Variants in AGL observed in about 807,000 individuals in gnomAD.
AGL encodes the protein amylo-alpha-1,6-glucosidase and 4-alpha-glucanotransferase, also known as glycogen debranching enzyme.
Under a neutral mutation model 199.3 loss-of-function variants are expected in AGL, and 128 were observed. The observed-to-expected ratio is 0.64, with a 90% CI of 0.56 to 0.74. The LOEUF is 0.74. Ranked by LOEUF, AGL falls within the 30% of genes least tolerant of loss-of-function variation. The probability of loss-of-function intolerance (pLI) is 0.00; values close to 1 mark genes in which losing one functional copy is unlikely to be tolerated. For missense variants in AGL, 1,809 were observed against 1,820.8 expected (o/e 0.99, Z 0.12); for synonymous variants, 584 against 594.7 (o/e 0.98, Z 0.26).
rs997080952 is a variant in AGL at position 99,906,107 on chromosome 1, A to G, written c.3700+3313A>G. ...CACTGTCCATCTCCAGAACTTTGTC[A>G]TCATTCCTAATTGAAGCAGGAACTC... On this transcript the variant is annotated intron_variant, in intron 27 of 33. Transcript: ENST00000361915. Among the ~76,000 whole-genome samples, 5 of 152,290 alleles carry G rather than the reference A, an allele frequency of 3.3e-5. No homozygotes were observed. The South Asian group carries it at 8.3e-4, about 25-fold the overall frequency.
In AGL at chr1:99,916,734, A is replaced by T. The variant is rs953882029; in HGVS notation, c.4481+3A>T. The T allele has an allele frequency of 1.2e-6, 2 of 1,612,922 alleles. No homozygotes were observed. The highest frequency in any genetic ancestry group is 1.7e-5 in the Admixed American group (1 of 59,926). ...CGACATTATGTTCATCTTGAGAGGT[A>T]AGTCATCAGGAGCATGTAATTTCCA... is the stretch of plus-strand genomic sequence containing the variant. On this transcript the variant is annotated splice_donor_region_variant and intron_variant, in intron 33 of 33. Transcript: ENST00000361915.
At chr1:99,876,163 C>T (rs1357547108) in intron 10 of AGL, among the ~76,000 whole-genome samples, 3 of 152,232 alleles carry the variant, frequency 2.0e-5, no homozygotes, top group Non-Finnish European at 4.4e-5. Flanking sequence ...GCATGAGCCA[C>T]CATGCCCAGC....
rs766823580 is a variant in AGL at position 99,862,239 on chromosome 1, T to C, written c.294-18T>C. The C allele has an allele frequency of 8.7e-6, 14 of 1,613,890 alleles. No homozygotes were observed. The highest frequency in any genetic ancestry group is 1.0e-5 in the Non-Finnish European group (12 of 1,179,878). ...TCTATCACTGACTGAAAAGTTTTTGTTTTGTTTTTTCCCTTAGAAATGAGA... is the reference window on the plus strand; with the variant it reads ...TCTATCACTGACTGAAAAGTTTTTGCTTTGTTTTTTCCCTTAGAAATGAGA... On this transcript the variant is annotated intron_variant, in intron 3 of 33. Coordinates refer to ENST00000361915, the MANE Select transcript of AGL (RefSeq NM_000642.3).
At chr1:99,877,409 T>C (rs1400276942) in intron 11 of AGL, among the ~76,000 whole-genome samples, 3 of 152,152 alleles carry the variant, frequency 2.0e-5, no homozygotes, top group African/African-American at 7.2e-5. Context: ...TTTTTGAAAT[T>C]GAGGACAAAT....
rs1445395776 is a variant in AGL at position 99,862,314 on chromosome 1, T to G, written c.351T>G (p.Ala117=). 2 of 1,614,034 alleles carry G rather than the reference T, an allele frequency of 1.2e-6. No homozygotes were observed. Residue 117 remains alanine (A), a synonymous_variant, in exon 4 of 34, where the codon GCT becomes GCG. Coordinates refer to ENST00000361915, the MANE Select transcript of AGL (RefSeq NM_000642.3). ...TGGACCCCATTTTACGTGTTGGTGC[T>G]GATAATCATGTGCTACCCTTGGACT... The part of the protein sequence containing the change: ...IVVDPILRVG[A]DNHVLPLDCV...
intron 33 of AGL, among the ~76,000 whole-genome samples, chr1:99,919,496 T>C (rs1655368015): frequency 6.6e-6 from 1 of 152,174 alleles, no homozygotes; most frequent in African/African-American, 2.4e-5. Flanking sequence ...AAAAATGTTA[T>C]TTAGAAGCCA....
At chr1:99,918,524 A>G (rs1557795975) in intron 33 of AGL, among the ~76,000 whole-genome samples, 2 of 151,990 alleles carry the variant, frequency 1.3e-5, no homozygotes, top group Admixed American at 6.6e-5. Flanking sequence ...GGGTCTTGCT[A>G]TCTTGCCCAG....
At chr1:99,869,185 T>C (rs1278558338) in intron 5 of AGL, among the ~76,000 whole-genome samples, 3 of 152,194 alleles carry the variant, frequency 2.0e-5, no homozygotes, top group Admixed American at 2.0e-4. Flanking sequence ...CTACATTTTG[T>C]CATTTTGAAA....
intron 12 of AGL, among the ~76,000 whole-genome samples, chr1:99,878,756 T>G (rs3753490): frequency 0.14 from 20,655 of 152,126 alleles, 1,496 homozygotes; most frequent in Middle Eastern, 0.18. Flanking sequence ...TCAAGTCCTA[T>G]GATGAAAAAT....
intron 25 of AGL, among the ~76,000 whole-genome samples, chr1:99,897,095 G>A (rs138696042): frequency 0.028 from 4,251 of 152,248 alleles, 64 homozygotes; most frequent in South Asian, 0.067. Context: ...GATTACAGGC[G>A]TGAGCCACCG....
chr1:99,876,321 A>T (rs992296163), intron 10 of AGL, 137 bp from the exon 11 acceptor site: 6 of 676,252 alleles, frequency 8.9e-6, no homozygotes, highest in Non-Finnish European at 1.2e-5. Context: ...CCTATATTGA[A>T]GTTTTTTTCC....
chr1:99,862,214 T>C (rs774441067), intron 3 of AGL, 43 bp from the exon 4 acceptor site: 1 of 1,593,394 alleles, frequency 6.3e-7, no homozygotes, highest in Non-Finnish European at 8.6e-7. Context: ...GGATTTTTTT[T>C]CTATCACTGA....
chr1:99,868,697 A>G (rs929733964), intron 5 of AGL, among the ~76,000 whole-genome samples: 13 of 152,148 alleles, frequency 8.5e-5, no homozygotes, highest in African/African-American at 3.1e-4. Context: ...CAGGAGGATC[A>G]CTTCAGCTCT....
intron 33 of AGL, among the ~76,000 whole-genome samples, chr1:99,920,042 A>G (rs1655408537): frequency 6.6e-6 from 1 of 152,166 alleles, no homozygotes; most frequent in South Asian, 2.1e-4. Flanking sequence ...GGACTTCCTT[A>G]TATTTGTATG....
Position 99,884,369 on chromosome 1 carries a change from G to A in AGL, c.2464G>A (p.Gly822Arg). The A allele has an allele frequency of 6.2e-7, 1 of 1,612,702 alleles. No individual in the cohort carries two copies. The highest frequency in any genetic ancestry group is 8.5e-7 in the Non-Finnish European group (1 of 1,179,304). The stretch of plus-strand genomic sequence containing the variant: ...TGAAAGTAAAATTGTTAAACAAGCT[G>A]GAGTTGCCACAAAAGGGCCCAATGA... ...LNESKIVKQAGVATKGPNEYI... is the reference protein window; with the variant it reads ...LNESKIVKQARVATKGPNEYI... The change falls in exon 19 of 34, where the codon GGA (glycine) becomes AGA (arginine). Residue 822 changes from glycine (G) to arginine (R), a missense_variant. Gly to Arg is a moderately radical substitution (Grantham distance 125). Coordinates refer to ENST00000361915, the MANE Select transcript of AGL (RefSeq NM_000642.3).
chr1:99,884,649 C>G lies in AGL; in HGVS notation c.2627C>G (p.Ser876Cys). Reference protein sequence around the residue: ...HLTQFSPHFKSGSLAVDNADP... With the variant: ...HLTQFSPHFKCGSLAVDNADP... ...ACACAATTCAGTCCTCACTTTAAAT[C>G]TGGCAGCCTAGCTGTTGACAATGCA... The change falls in exon 20 of 34, where the codon TCT (serine) becomes TGT (cysteine). Residue 876 changes from serine (S) to cysteine (C), a missense_variant. Ser to Cys is a moderately radical substitution (Grantham distance 112). Coordinates refer to ENST00000361915, the MANE Select transcript of AGL (RefSeq NM_000642.3). 1.9e-6 allele frequency: 3 copies of G among 1,613,992 alleles called. No individual in the cohort carries two copies. The highest frequency in any genetic ancestry group is 2.5e-6 in the Non-Finnish European group (3 of 1,179,922).
At chr1:99,913,995 C>T (rs1450892500) in intron 30 of AGL, among the ~76,000 whole-genome samples, 4 of 152,082 alleles carry the variant, frequency 2.6e-5, no homozygotes, top group Non-Finnish European at 5.9e-5. Flanking sequence ...ATTCAGAGCA[C>T]ACATAGAAGA....
chr1:99,866,514 T>C (rs2101099758), intron 5 of AGL, among the ~76,000 whole-genome samples: 1 of 152,368 alleles, frequency 6.6e-6, no homozygotes, highest in Admixed American at 6.5e-5. Context: ...TATATATTAC[T>C]GTGTTCATAT....
chr1:99,918,187 C>G (rs1232033204), intron 33 of AGL, among the ~76,000 whole-genome samples: 2 of 152,010 alleles, frequency 1.3e-5, no homozygotes, highest in Non-Finnish European at 2.9e-5. Flanking sequence ...GCTTTTTTCT[C>G]TTTCATACTT....
Sources: allele counts gnomAD v4.1 joint callset (sites outside exome capture counted in the v4.1 genomes callset), GRCh38; gene constraint gnomAD v4.1.1; transcripts MANE v1.5; gene names NCBI Gene and HGNC (gene_info 2026-07-23, HGNC 2026-07-21).